The following INSL6 variants were observed in gnomAD, a reference collection of about 807,000 sequenced individuals.
INSL6 encodes the protein insulin-like peptide INSL6.
A neutral mutation model predicts 9.4 loss-of-function variants in INSL6; 16 were observed. That is an observed-to-expected ratio of 1.70 (90% CI 1.15 to 2.59). The LOEUF (loss-of-function observed/expected upper bound fraction) is 2.59. INSL6 is among the 30% of genes most tolerant of loss of function. The probability of loss-of-function intolerance (pLI) is 0.00; values close to 1 mark genes in which losing one functional copy is unlikely to be tolerated. For missense variants in INSL6, 391 were observed against 257.3 expected (o/e 1.52, Z -3.56); for synonymous variants, 154 against 96.9 (o/e 1.59, Z -3.46).
the INSL6 span, chr9:5,081,728 A>G: frequency 6.3e-7 from 1 of 1,589,736 alleles, no homozygotes; most frequent in Non-Finnish European, 8.6e-7. Flanking sequence ...TCTCCAGATT[A>G]TGAACTATTA....
chr9:5,160,776 A>G (rs1824909394), downstream of INSL6, among the ~76,000 whole-genome samples: 1 of 152,156 alleles, frequency 6.6e-6, no homozygotes, highest in African/African-American at 2.4e-5. Flanking sequence ...TGATACGCAG[A>G]AATTAAAAGG....
the INSL6 span, among the ~76,000 whole-genome samples, chr9:5,072,260 C>T: frequency 1.3e-5 from 2 of 152,116 alleles, no homozygotes; most frequent in Non-Finnish European, 2.9e-5. Flanking sequence ...GATTTCAAAA[C>T]CGAGTAGAGC....
chr9:5,038,158 G>T, the INSL6 span, among the ~76,000 whole-genome samples: 1 of 152,050 alleles, frequency 6.6e-6, no homozygotes, highest in African/African-American at 2.4e-5. Flanking sequence ...TTGTTTAATG[G>T]ATACAGTGTT....
the INSL6 span, among the ~76,000 whole-genome samples, chr9:5,062,722 G>T: frequency 6.6e-6 from 1 of 151,946 alleles, no homozygotes; most frequent in South Asian, 2.1e-4. Flanking sequence ...TGTATCCTTT[G>T]CCAACACTGG....
At chr9:5,148,174 C>T (rs1824639485) in intron 2 of INSL6, among the ~76,000 whole-genome samples, 1 of 152,110 alleles carries the variant, frequency 6.6e-6, no homozygotes, top group Admixed American at 6.5e-5. Flanking sequence ...GGTATTCCTT[C>T]AATTGTGGTA....
chr9:5,172,695 G>A (rs557301682), intron 1 of INSL6, among the ~76,000 whole-genome samples: 55 of 152,274 alleles, frequency 3.6e-4, no homozygotes, highest in South Asian at 6.2e-4. Flanking sequence ...TTGGGAGGCC[G>A]AGGTGGGCAG....
At chr9:4,995,201 G>C in the INSL6 span, among the ~76,000 whole-genome samples, 1 of 151,914 alleles carries the variant, frequency 6.6e-6, no homozygotes, top group Admixed American at 6.6e-5. Flanking sequence ...CTCATATCTT[G>C]GCCCACTTTC....
At chr9:5,046,130 G>A in the INSL6 span, among the ~76,000 whole-genome samples, 2 of 152,136 alleles carry the variant, frequency 1.3e-5, no homozygotes, top group East Asian at 1.9e-4. Flanking sequence ...AACAACCAGT[G>A]ATCATGAGCA....
rs73385189 is a variant in INSL6, at chr9:5,182,337, A to G, written c.289+2977T>C. On this transcript the variant is annotated intron_variant, in intron 1 of 1. Transcript: ENST00000381641. Reference sequence around the variant, plus strand: ...AACAGGAAAGAATGCATAATTTGCAAAAACTTATAAAAACAAAAAATATAT... The same window carrying G: ...AACAGGAAAGAATGCATAATTTGCAGAAACTTATAAAAACAAAAAATATAT... Among the ~76,000 whole-genome samples the G allele has an allele frequency of 6.0e-3, 916 of 152,282 alleles. 16 individuals carry two copies. The highest frequency in any genetic ancestry group is 0.021 in the African/African-American group (876 of 41,548).
At chr9:5,039,049 C>G in the INSL6 span, among the ~76,000 whole-genome samples, 2 of 152,086 alleles carry the variant, frequency 1.3e-5, no homozygotes, top group Non-Finnish European at 2.9e-5. Context: ...AAAGTAATGT[C>G]ATACTTATTA....
chr9:5,173,141 A>G (rs1825219390), intron 1 of INSL6, among the ~76,000 whole-genome samples: 1 of 152,218 alleles, frequency 6.6e-6, no homozygotes, highest in Non-Finnish European at 1.5e-5. Context: ...GGTTGCAGAG[A>G]AATAGGAACT....
At chr9:5,126,794 G>C (rs1435806955) in intron 3 of INSL6, 3 of 1,579,660 alleles carry the variant, frequency 1.9e-6, no homozygotes, top group Non-Finnish European at 1.7e-6. Flanking sequence ...CTGGATGAAA[G>C]AAATGACCTT....
At chr9:5,168,715 T>A (rs1465997293) in intron 1 of INSL6, among the ~76,000 whole-genome samples, 3 of 152,054 alleles carry the variant, frequency 2.0e-5, no homozygotes, top group Non-Finnish European at 2.9e-5. Flanking sequence ...AAATTCAAAT[T>A]CAGGAAATCC....
At chr9:5,029,733 A>G in the INSL6 span, 5 of 1,485,566 alleles carry the variant, frequency 3.4e-6, no homozygotes, top group South Asian at 1.3e-5. Flanking sequence ...GCTATGTAAA[A>G]ATATTCTGTT....
chr9:5,022,862 A>G, the INSL6 span, among the ~76,000 whole-genome samples: 1 of 152,210 alleles, frequency 6.6e-6, no homozygotes, highest in African/African-American at 2.4e-5. Context: ...AGTTGACACT[A>G]TTTTGAAGAA....
chr9:5,148,586 G>A (rs896192127), intron 2 of INSL6, among the ~76,000 whole-genome samples: 1 of 152,124 alleles, frequency 6.6e-6, no homozygotes, highest in African/African-American at 2.4e-5. Flanking sequence ...CCAGCCCTGT[G>A]GAAGGAGGTA....
At chr9:5,003,816 T>G in the INSL6 span, among the ~76,000 whole-genome samples, 1 of 151,732 alleles carries the variant, frequency 6.6e-6, no homozygotes, top group South Asian at 2.1e-4. Context: ...TATTTTACCA[T>G]TAGGTATATT....
the INSL6 span, chr9:5,112,021 G>A: frequency 7.4e-6 from 3 of 404,106 alleles, no homozygotes; most frequent in Non-Finnish European, 1.5e-5. Context: ...CCTGGAGCAG[G>A]AGTCCCTGGT....
At chr9:5,097,783 G>A in the INSL6 span, 1 of 152,122 alleles carries the variant, frequency 6.6e-6, no homozygotes, top group Admixed American at 6.5e-5. Flanking sequence ...CTATGTTGTA[G>A]CTCATTTCCA....
Sources: gnomAD v4.1 joint callset for allele counts (sites outside exome capture counted in the v4.1 genomes callset) on GRCh38, gnomAD v4.1.1 for gene constraint, MANE v1.5 for transcripts, NCBI Gene and HGNC (gene_info 2026-07-23, HGNC 2026-07-21) for gene names.